PPFIBP2: variants seen among roughly 807,000 people sequenced by gnomAD.
PPFIBP2 encodes PPFIB scaffold protein 2.
In PPFIBP2, 118 loss-of-function variants were observed where a neutral mutation model predicts 118.3. The observed-to-expected ratio is 1.00, with a 90% CI of 0.86 to 1.16. The LOEUF is 1.16. Ranked by LOEUF, PPFIBP2 falls within the 50% of genes most tolerant of loss-of-function variation. The pLI is 0.00. For missense variants in PPFIBP2, 1,195 were observed against 1,073.1 expected (o/e 1.11, Z -1.59); for synonymous variants, 414 against 397.4 (o/e 1.04, Z -0.50).
chr11:7,642,236 C>G, intron 16 of PPFIBP2, 62 bp from the exon 17 acceptor site: 1 of 1,589,850 alleles, frequency 6.3e-7, no homozygotes, highest in Non-Finnish European at 8.6e-7. Flanking sequence ...AAAGAGGAAG[C>G]ACAGTGACTG....
chr11:7,637,845 C>T (rs1310771864), intron 14 of PPFIBP2, among the ~76,000 whole-genome samples: 1 of 152,194 alleles, frequency 6.6e-6, no homozygotes, highest in African/African-American at 2.4e-5. Flanking sequence ...TCGGGGCTGC[C>T]TTTTAAACCC....
chr11:7,575,016 C>T lies in PPFIBP2; in HGVS notation c.279+9249C>T, dbSNP rs1160065412. ...CTTTCTCTCCCCTACCCTGCACCCC[C>T]CACCTTTGTTCATCACACATTGAGT... On this transcript the variant is annotated intron_variant, in intron 3 of 23. Coordinates refer to ENST00000299492, the MANE Select transcript of PPFIBP2 (RefSeq NM_003621.5). Among the ~76,000 whole-genome samples, 3 of 152,248 alleles carry T rather than the reference C, an allele frequency of 2.0e-5. No homozygotes were observed. The East Asian group carries it at 5.8e-4, about 29-fold the overall frequency.
intron 8 of PPFIBP2, among the ~76,000 whole-genome samples, chr11:7,627,802 A>G (rs1850223393): frequency 6.6e-6 from 1 of 152,244 alleles, no homozygotes; most frequent in South Asian, 2.1e-4. Flanking sequence ...TTTTAAATTA[A>G]GCCAAGTACC....
In PPFIBP2 at chr11:7,620,794, A is replaced by G. The variant is rs529178552; in HGVS notation, c.619-141A>G. The G allele has an allele frequency of 3.9e-4, 257 of 664,176 alleles. 1 individual carries two copies. In the East Asian group the frequency reaches 6.3e-3, roughly 16 times the overall value. 41.1% of individuals were successfully genotyped at this position (664,176 alleles called of 1,614,324 possible). On this transcript the variant is annotated intron_variant, in intron 6 of 23. Transcript: ENST00000299492. ...ACGGCCATACAGCTTTCCTGAAACA[A>G]GGGACGTGTTTAAAGATTAAAGCTG...
chr11:7,657,731 G>A (rs1590846616), downstream of PPFIBP2, among the ~76,000 whole-genome samples: 1 of 152,160 alleles, frequency 6.6e-6, no homozygotes. Flanking sequence ...TGTCTCTCAA[G>A]GCACGGCAAA....
chr11:7,636,650 T>TGG (rs1357933551), intron 14 of PPFIBP2, among the ~76,000 whole-genome samples: 3 of 152,300 alleles, frequency 2.0e-5, no homozygotes, highest in Non-Finnish European at 2.9e-5. Flanking sequence ...CCTGCTCCTT[T>TGG]GGAAACACAC....
In PPFIBP2 at chr11:7,555,571, G is replaced by A. The variant is rs1285731732; in HGVS notation, c.64+6032G>A. On this transcript the variant is annotated intron_variant, in intron 2 of 23. Transcript: ENST00000299492. ...TATAGCATTCATCAGTATCGGACTC[G>A]CTGTTTCCCATTGCAGGTTGTGAGA... 2.6e-5 allele frequency among the ~76,000 whole-genome samples: 4 copies of A among 152,176 alleles called. No individual in the cohort carries two copies. The South Asian group carries it at 8.3e-4, about 32-fold the overall frequency.
rs1218271147 is a variant in PPFIBP2 at position 7,650,833 on chromosome 11, C to T, written c.2122-7C>T. On this transcript the variant is annotated splice_polypyrimidine_tract_variant and splice_region_variant and intron_variant, in intron 21 of 23. Coordinates refer to ENST00000299492, the MANE Select transcript of PPFIBP2 (RefSeq NM_003621.5). ...TAACTTCCTCACTCTCCTTCTCCCT[C>T]TGACAGAGTAACCTTTCTCCTTCAG... is the stretch of plus-strand genomic sequence containing the variant. 1 of 1,613,580 alleles carries T rather than the reference C, an allele frequency of 6.2e-7. No homozygotes were observed.
chr11:7,613,804 T>G (rs1039305617), intron 6 of PPFIBP2, among the ~76,000 whole-genome samples: 1 of 152,120 alleles, frequency 6.6e-6, no homozygotes, highest in African/African-American at 2.4e-5. Context: ...GAGGGTTCTG[T>G]GAATAGCTAT....
chr11:7,566,966 T>G (rs947907146), intron 3 of PPFIBP2, among the ~76,000 whole-genome samples: 1 of 152,246 alleles, frequency 6.6e-6, no homozygotes, highest in Non-Finnish European at 1.5e-5. Context: ...CTATTAGGAT[T>G]TTAGTGTTTT....
In PPFIBP2 at chr11:7,625,798, G is replaced by A. The variant is rs140620299; in HGVS notation, c.733G>A (p.Glu245Lys). 9.4e-5 allele frequency: 151 copies of A among 1,614,210 alleles called. No homozygotes were observed. In the African/African-American group the frequency reaches 1.7e-3, roughly 18 times the overall value. ...ATKAEVAQLQ[E>K]QVALKDAEIE... The stretch of plus-strand genomic sequence containing the variant: ...CCAGGCTGAAGTCGCCCAGCTGCAA[G>A]AACAGGTGGCCCTGAAAGATGCAGA... The change falls in exon 8 of 24, where the codon GAA becomes AAA. Residue 245 changes from glutamate (E) to lysine (K), a missense_variant. Physicochemically the swap from Glu to Lys is moderately conservative, Grantham distance 56. Coordinates refer to ENST00000299492, the MANE Select transcript of PPFIBP2 (RefSeq NM_003621.5).
intron 5 of PPFIBP2, among the ~76,000 whole-genome samples, chr11:7,607,421 A>C (rs528299132): frequency 6.6e-6 from 1 of 151,116 alleles, no homozygotes; most frequent in Non-Finnish European, 1.5e-5. Flanking sequence ...GGGTTCCACT[A>C]TGTTGTCTAG....
intron 3 of PPFIBP2, chr11:7,571,630 G>T (rs1307063683): frequency 6.6e-6 from 1 of 152,116 alleles, no homozygotes; most frequent in Non-Finnish European, 1.5e-5. Flanking sequence ...GGAAAATTTG[G>T]TGCTTATTTT....
At chr11:7,537,951 A>G (rs1851375881) in intron 1 of PPFIBP2, among the ~76,000 whole-genome samples, 1 of 148,122 alleles carries the variant, frequency 6.8e-6, no homozygotes, top group South Asian at 2.1e-4. Flanking sequence ...TACCCTAATC[A>G]GTGCTTGAGT....
chr11:7,644,203 G>A (rs1231077866), intron 17 of PPFIBP2, among the ~76,000 whole-genome samples: 1 of 151,982 alleles, frequency 6.6e-6, no homozygotes, highest in African/African-American at 2.4e-5. Flanking sequence ...GTATTTTTAG[G>A]TTTGTAGCAG....
chr11:7,586,352 A>G (rs1858182484), intron 3 of PPFIBP2, among the ~76,000 whole-genome samples: 1 of 152,180 alleles, frequency 6.6e-6, no homozygotes, highest in Admixed American at 6.5e-5. Flanking sequence ...TTCTAACTGA[A>G]TGTTGGTCTT....
rs56843761 is a variant in PPFIBP2, at chr11:7,549,162, G to A, written c.-36-278G>A. On this transcript the variant is annotated intron_variant, in intron 1 of 23. Coordinates refer to ENST00000299492, the MANE Select transcript of PPFIBP2 (RefSeq NM_003621.5). ...TGGGACTCCAATTGTTACACCTGGT[G>A]AGGTGTTAACAATTGCCGTCTTGCT... Among the ~76,000 whole-genome samples, 128 of 152,320 alleles carry A rather than the reference G, an allele frequency of 8.4e-4. 3 individuals are homozygous for A. The East Asian group carries it at 0.022, about 26-fold the overall frequency.
intron 9 of PPFIBP2, among the ~76,000 whole-genome samples, chr11:7,628,562 A>G (rs1380709981): frequency 6.6e-6 from 1 of 152,212 alleles, no homozygotes; most frequent in African/African-American, 2.4e-5. Context: ...GGAATCTCCT[A>G]AAGGCAGATT....
At position 7,597,743 on chromosome 11, in the gene PPFIBP2, C is replaced by G. The variant is rs1860627382; in HGVS notation, c.486+70C>G. On this transcript the variant is annotated intron_variant, in intron 5 of 23. Transcript: ENST00000299492. ...ATGTGCTGAAGCCCCTTTGTGTGCC[C>G]AGGCTACAGCCCTCGCTGTCTGCTT... 4.1e-6 allele frequency: 5 copies of G among 1,230,328 alleles called. No individual in the cohort carries two copies. In the South Asian group the frequency reaches 6.3e-5, roughly 15 times the overall value. 76.2% of individuals were successfully genotyped at this position (1,230,328 alleles called of 1,614,324 possible). A position where few individuals can be genotyped will look rare whatever the true frequency, so the allele number is the denominator to read the frequency against.
Sources: allele counts gnomAD v4.1 joint callset (sites outside exome capture counted in the v4.1 genomes callset), GRCh38; gene constraint gnomAD v4.1.1; transcripts MANE v1.5; gene names NCBI Gene and HGNC (gene_info 2026-07-23, HGNC 2026-07-21).